DIAPH2: variants seen among roughly 807,000 people sequenced by gnomAD.
DIAPH2 encodes the protein diaphanous related formin 2, also known as protein diaphanous homolog 2.
In DIAPH2, 35 loss-of-function variants were observed where a neutral mutation model predicts 92.7. That is an observed-to-expected ratio of 0.38 (90% CI 0.29 to 0.50). The LOEUF is 0.50. DIAPH2 is among the 20% of genes least tolerant of loss of function. The probability of loss-of-function intolerance (pLI) is 0.94; values close to 1 mark genes in which losing one functional copy is unlikely to be tolerated. For missense variants in DIAPH2, 701 were observed against 819.5 expected, an observed-to-expected ratio of 0.86 and a Z score of 1.77; for synonymous variants, 301 against 280.4, an observed-to-expected ratio of 1.07 and a Z score of -0.73.
At chrX:97,068,442 A>G (rs1402384547) in intron 17 of DIAPH2, among the ~76,000 whole-genome samples, 1 of 111,607 alleles carries the variant, frequency 9.0e-6, no homozygotes, top group African/African-American at 3.3e-5. Flanking sequence ...TGTATTGCAT[A>G]TGTATTTATC....
At chrX:96,911,688 A>G (rs1309845868) in intron 5 of DIAPH2, among the ~76,000 whole-genome samples, 1 of 111,313 alleles carries the variant, frequency 9.0e-6, no homozygotes, top group Non-Finnish European at 1.9e-5. Flanking sequence ...CTTTCATTCT[A>G]TTTTCCAAGG....
intron 1 of DIAPH2, among the ~76,000 whole-genome samples, chrX:96,696,712 A>G (rs1476280782): frequency 8.9e-6 from 1 of 111,868 alleles, no homozygotes; most frequent in African/African-American, 3.3e-5. Context: ...TCAGTGACCA[A>G]GTACAGTATG....
In DIAPH2 at chrX:97,348,171, A is replaced by G. The variant is rs1342982771; in HGVS notation, c.2900A>G (p.Asn967Ser). ...QYEKLSTMHNNMMKLYENLGE... is the reference protein window; with the variant it reads ...QYEKLSTMHNSMMKLYENLGE... ...GAAAAACTCTCCACCATGCACAACA[A>G]CATGATGAAGCTCTATGAGAATCTT... Residue 967 changes from asparagine (N) to serine (S), a missense_variant, in exon 24 of 27, where the codon AAC becomes AGC. Physicochemically the swap from Asn to Ser is conservative, Grantham distance 46 (BLOSUM62 1). Transcript: ENST00000324765. The G allele has an allele frequency of 8.3e-7, 1 of 1,209,086 alleles. No homozygotes were observed. The highest frequency in any genetic ancestry group is 1.1e-6 in the Non-Finnish European group (1 of 894,410).
intron 3 of DIAPH2, among the ~76,000 whole-genome samples, chrX:96,745,521 G>T (rs2064145008): frequency 8.9e-6 from 1 of 112,039 alleles, no homozygotes; most frequent in Non-Finnish European, 1.9e-5. Context: ...TATACCTGAG[G>T]ATCACATCTA....
chrX:97,568,344 G>A (rs1343110579), intron 26 of DIAPH2, among the ~76,000 whole-genome samples: 2 of 110,571 alleles, frequency 1.8e-5, no homozygotes, highest in African/African-American at 3.3e-5. Flanking sequence ...AATGTATCAT[G>A]ACATGTCAGA....
At chrX:97,470,470 G>T (rs1569405737) in intron 26 of DIAPH2, among the ~76,000 whole-genome samples, 1 of 111,053 alleles carries the variant, frequency 9.0e-6, no homozygotes, top group Non-Finnish European at 1.9e-5. Context: ...TGGGATCACA[G>T]TCCTTCAGAT....
At chrX:96,775,353 T>TTGTGTG (rs60441028) in intron 4 of DIAPH2, among the ~76,000 whole-genome samples, 2,077 of 89,338 alleles carry the variant, frequency 0.023, 45 homozygotes, top group African/African-American at 0.054. Context: ...CAACGTGTGC[T>TTGTGTG]TGTGTGTGTG....
At position 97,489,901 on chromosome X, in the gene DIAPH2, G is replaced by A. The variant is rs139918486; in HGVS notation, c.3241+60156G>A. Among the ~76,000 whole-genome samples the A allele has an allele frequency of 3.0e-3, 334 of 111,858 alleles. 1 individual carries two copies. Among genetic ancestry groups the A allele is most frequent in the African/African-American group, 8.8e-3 (271 of 30,898 alleles). ...GAAGATACTGGTCTGTAGTTTTCTT[G>A]TAGTGTCTGTGACTTTGTATTAGGG... On this transcript the variant is annotated intron_variant, in intron 26 of 26. Coordinates refer to ENST00000324765, the MANE Select transcript of DIAPH2 (RefSeq NM_006729.5).
At chrX:97,166,079 T>G (rs772003006) in intron 22 of DIAPH2, among the ~76,000 whole-genome samples, 3 of 111,514 alleles carry the variant, frequency 2.7e-5, no homozygotes, top group Non-Finnish European at 5.6e-5. Context: ...TATTTAATCT[T>G]AAGTAAAATA....
chrX:96,859,492 T>C (rs1272963059), intron 4 of DIAPH2, among the ~76,000 whole-genome samples: 1 of 110,227 alleles, frequency 9.1e-6, no homozygotes, highest in Non-Finnish European at 1.9e-5. Context: ...ATTTTGGTGA[T>C]GGGGGACTAA....
At chrX:97,129,151 T>C (rs920289270) in intron 21 of DIAPH2, among the ~76,000 whole-genome samples, 162 of 84,807 alleles carry the variant, frequency 1.9e-3, no homozygotes, top group African/African-American at 6.9e-3. Context: ...CTTTTCTTTC[T>C]TTTCTTTTCT....
At chrX:97,454,205 G>C (rs1294154760) in intron 26 of DIAPH2, among the ~76,000 whole-genome samples, 3 of 109,632 alleles carry the variant, frequency 2.7e-5, no homozygotes, top group Non-Finnish European at 5.7e-5. Context: ...CCAGCAAATG[G>C]GAAACAGCAT....
chrX:97,490,056 T>C lies in DIAPH2; in HGVS notation c.3241+60311T>C, dbSNP rs768493579. Among the ~76,000 whole-genome samples the C allele has an allele frequency of 2.1e-3, 237 of 111,643 alleles. 1 individual carries two copies. The highest frequency in any genetic ancestry group is 7.1e-3 in the African/African-American group (220 of 30,833). Reference sequence around the variant, plus strand: ...CACCATCTAATGCTGGATTTTTCTTTTTGCAGAGGGTTTTGATTACTGATT... The same window carrying C: ...CACCATCTAATGCTGGATTTTTCTTCTTGCAGAGGGTTTTGATTACTGATT... On this transcript the variant is annotated intron_variant, in intron 26 of 26. Transcript: ENST00000324765.
chrX:96,942,651 T>C (rs1020889190), intron 13 of DIAPH2, among the ~76,000 whole-genome samples: 6 of 111,258 alleles, frequency 5.4e-5, no homozygotes, highest in Admixed American at 1.9e-4. Flanking sequence ...AGAAAGAATT[T>C]GAGGTGATCA....
intron 4 of DIAPH2, among the ~76,000 whole-genome samples, chrX:96,827,526 G>C (rs1423733187): frequency 1.8e-5 from 2 of 111,811 alleles, no homozygotes; most frequent in African/African-American, 6.5e-5. Context: ...ACTTTTCAAA[G>C]GATAGCAAAA....
At chrX:97,231,000 C>G (rs576379028) in intron 22 of DIAPH2, among the ~76,000 whole-genome samples, 8 of 112,672 alleles carry the variant, frequency 7.1e-5, no homozygotes, top group African/African-American at 2.6e-4. Context: ...GACTCCAAGA[C>G]CAGCTTTCTT....
chrX:97,292,548 ATTT>A (rs770697641), intron 23 of DIAPH2, among the ~76,000 whole-genome samples: 1 of 94,594 alleles, frequency 1.1e-5, no homozygotes, highest in Non-Finnish European at 2.1e-5. Flanking sequence ...TTAATACCCA[ATTT>A]TTTTTTTTTT....
In DIAPH2 at chrX:97,479,590, T is replaced by C. The variant is rs1157046801; in HGVS notation, c.3241+49845T>C. Among the ~76,000 whole-genome samples, 3 of 111,948 alleles carry C rather than the reference T, an allele frequency of 2.7e-5. No individual in the cohort carries two copies. The East Asian group carries it at 8.4e-4, about 31-fold the overall frequency. ...GCATGTTCTATTTCCCCAATTAACTTTGTGAGCCCTGGGCAAATTAGTTAA... is the reference window on the plus strand; with the variant it reads ...GCATGTTCTATTTCCCCAATTAACTCTGTGAGCCCTGGGCAAATTAGTTAA... On this transcript the variant is annotated intron_variant, in intron 26 of 26. Transcript: ENST00000324765.
intron 26 of DIAPH2, among the ~76,000 whole-genome samples, chrX:97,539,492 T>A (rs752636575): frequency 3.4e-4 from 38 of 112,340 alleles, no homozygotes; most frequent in African/African-American, 1.2e-3. Context: ...TCATTAGGTT[T>A]AAGCCAGATA....
Sources: allele counts gnomAD v4.1 joint callset (sites outside exome capture counted in the v4.1 genomes callset), GRCh38; gene constraint gnomAD v4.1.1; transcripts MANE v1.5; gene names NCBI Gene and HGNC (gene_info 2026-07-23, HGNC 2026-07-21).